DPP10: variants seen among roughly 807,000 people sequenced by gnomAD.
DPP10 encodes the protein inactive dipeptidyl peptidase 10.
A neutral mutation model predicts 120.9 loss-of-function variants in DPP10; 33 were observed. The ratio of observed to expected loss-of-function variants is 0.27; its 90% CI spans 0.21 to 0.37. The LOEUF is 0.37. Among genes scored for constraint, DPP10 ranks in the 10% least tolerant of loss-of-function variants. The pLI is 1.00. For synonymous variants in DPP10, 337 were observed against 326.1 expected, an observed-to-expected ratio of 1.03 and a Z score of -0.36; for missense variants, 816 against 942.8, an observed-to-expected ratio of 0.87 and a Z score of 1.76.
chr2:115,292,846 T>A (rs1020714503), intron 1 of DPP10, among the ~76,000 whole-genome samples: 2 of 152,120 alleles, frequency 1.3e-5, no homozygotes, highest in Non-Finnish European at 2.9e-5. Flanking sequence ...TAAATACCCT[T>A]CTGAAGATGG....
At chr2:115,704,826 T>A (rs948588877) in intron 7 of DPP10, among the ~76,000 whole-genome samples, 4 of 151,994 alleles carry the variant, frequency 2.6e-5, no homozygotes, top group Admixed American at 2.6e-4. Context: ...TTGATTGCTA[T>A]TCAAAGATAA....
intron 8 of DPP10, among the ~76,000 whole-genome samples, chr2:115,729,688 T>C (rs1037231190): frequency 6.6e-6 from 1 of 152,030 alleles, no homozygotes; most frequent in Non-Finnish European, 1.5e-5. Flanking sequence ...TGAGAGAGGA[T>C]TGCTTGAGCT....
chr2:114,821,863 C>T (rs1686117951), intron 1 of DPP10, among the ~76,000 whole-genome samples: 1 of 152,224 alleles, frequency 6.6e-6, no homozygotes, highest in African/African-American at 2.4e-5. Context: ...TTGGCTCCCA[C>T]AGCCTTAGGC....
intron 1 of DPP10, among the ~76,000 whole-genome samples, chr2:114,623,116 C>T (rs1056591017): frequency 6.6e-6 from 1 of 152,064 alleles, no homozygotes; most frequent in South Asian, 2.1e-4. Flanking sequence ...CTTGCACTAG[C>T]TTTCATTCTT....
At chr2:114,926,839 G>A (rs1483931602) in intron 1 of DPP10, among the ~76,000 whole-genome samples, 2 of 143,678 alleles carry the variant, frequency 1.4e-5, no homozygotes, top group Non-Finnish European at 3.0e-5. Flanking sequence ...TTGAGCTTGG[G>A]GGAAGATACA....
At chr2:114,943,323 G>A (rs527508701) in intron 1 of DPP10, among the ~76,000 whole-genome samples, 2 of 152,236 alleles carry the variant, frequency 1.3e-5, no homozygotes, top group South Asian at 4.2e-4. Flanking sequence ...ACCCAGGCTG[G>A]AGTGCAATGG....
At chr2:114,593,821 C>T (rs1448576921) in intron 1 of DPP10, among the ~76,000 whole-genome samples, 1 of 152,040 alleles carries the variant, frequency 6.6e-6, no homozygotes, top group Non-Finnish European at 1.5e-5. Flanking sequence ...TCCAAGCTCC[C>T]TTCCTTCCTT....
intron 1 of DPP10, among the ~76,000 whole-genome samples, chr2:114,915,468 A>G (rs977488642): frequency 6.6e-6 from 1 of 152,228 alleles, no homozygotes; most frequent in Non-Finnish European, 1.5e-5. Context: ...GACATTTAAG[A>G]CCTCAATGCA....
intron 1 of DPP10, among the ~76,000 whole-genome samples, chr2:114,547,896 AG>A (rs1687548303): frequency 6.6e-6 from 1 of 152,160 alleles, no homozygotes; most frequent in Non-Finnish European, 1.5e-5. Flanking sequence ...TTGACCCAGC[AG>A]GGGTGGGCTG....
At chr2:114,881,108 T>C (rs1193267321) in intron 1 of DPP10, among the ~76,000 whole-genome samples, 1 of 152,146 alleles carries the variant, frequency 6.6e-6, no homozygotes, top group East Asian at 1.9e-4. Flanking sequence ...CATTCATCTA[T>C]ACACATAAAC....
chr2:115,790,496 T>C (rs1176007174), intron 17 of DPP10, among the ~76,000 whole-genome samples: 2 of 152,202 alleles, frequency 1.3e-5, no homozygotes, highest in Non-Finnish European at 2.9e-5. Context: ...TATCAAATTT[T>C]TTGATGTTTC....
At chr2:114,722,195 T>C (rs1180419998) in intron 1 of DPP10, among the ~76,000 whole-genome samples, 2 of 152,000 alleles carry the variant, frequency 1.3e-5, no homozygotes, top group Non-Finnish European at 2.9e-5. Context: ...AAGAAGAAAA[T>C]GTATAATTCT....
intron 2 of DPP10, among the ~76,000 whole-genome samples, chr2:115,315,276 TACAC>T (rs138469343): frequency 3.6e-4 from 53 of 147,812 alleles, no homozygotes; most frequent in Middle Eastern, 3.2e-3. Context: ...CACACACACA[TACAC>T]ACACACACAC....
chr2:115,402,854 A>AAAAATAT (rs1476901026), intron 3 of DPP10, among the ~76,000 whole-genome samples: 15 of 97,638 alleles, frequency 1.5e-4, no homozygotes, highest in South Asian at 7.0e-4. Context: ...AAAAAAAAAA[A>AAAAATAT]ATATATATAT....
chr2:114,680,870 A>G (rs1360762280), intron 1 of DPP10, among the ~76,000 whole-genome samples: 1 of 151,974 alleles, frequency 6.6e-6, no homozygotes, highest in Non-Finnish European at 1.5e-5. Flanking sequence ...CCCATAATCA[A>G]AGGCACTTAT....
intron 1 of DPP10, among the ~76,000 whole-genome samples, chr2:114,602,618 C>G (rs957874396): frequency 6.6e-6 from 1 of 151,906 alleles, no homozygotes; most frequent in Non-Finnish European, 1.5e-5. Flanking sequence ...CTGATCTGAA[C>G]AAAATCAGTA....
chr2:115,194,320 G>A (rs1285164662), intron 1 of DPP10, among the ~76,000 whole-genome samples: 3 of 152,064 alleles, frequency 2.0e-5, no homozygotes, highest in Admixed American at 1.3e-4. Context: ...CGCCTCCCAG[G>A]TTCAAGCAAT....
intron 1 of DPP10, among the ~76,000 whole-genome samples, chr2:114,446,281 C>T (rs1677941081): frequency 6.6e-6 from 1 of 152,146 alleles, no homozygotes; most frequent in Non-Finnish European, 1.5e-5. Flanking sequence ...AATTTTGCCT[C>T]TAAAATGTGC....
At chr2:114,901,058 G>T (rs898431664) in intron 1 of DPP10, among the ~76,000 whole-genome samples, 3 of 152,118 alleles carry the variant, frequency 2.0e-5, no homozygotes, top group Non-Finnish European at 4.4e-5. Context: ...TAACATTGAA[G>T]CAAGAACAAA....
Sources: gnomAD v4.1 joint callset for allele counts (sites outside exome capture counted in the v4.1 genomes callset) on GRCh38, gnomAD v4.1.1 for gene constraint, MANE v1.5 for transcripts, NCBI Gene and HGNC (gene_info 2026-07-23, HGNC 2026-07-21) for gene names.